Variants in EYS observed in about 807,000 individuals in gnomAD.
EYS encodes the protein EGF-like photoreceptor maintenance factor, also known as protein eyes shut homolog.
EYS carries 250 observed loss-of-function variants against 282.1 expected under a neutral mutation model. The ratio of observed to expected loss-of-function variants is 0.89; its 90% CI spans 0.80 to 0.98. The LOEUF (loss-of-function observed/expected upper bound fraction) is 0.98, where lower values mean the gene tolerates loss of function less well. EYS is among the 50% of genes least tolerant of loss of function. The probability of loss-of-function intolerance (pLI) is 0.00; values close to 1 mark genes in which losing one functional copy is unlikely to be tolerated. For synonymous variants in EYS, 1,355 were observed against 1,282.9 expected, an observed-to-expected ratio of 1.06 and a Z score of -1.20; for missense variants, 4,016 against 3,709.0, an observed-to-expected ratio of 1.08 and a Z score of -2.15.
At chr6:64,880,244 A>T (rs906567318) in intron 19 of EYS, among the ~76,000 whole-genome samples, 2 of 151,952 alleles carry the variant, frequency 1.3e-5, no homozygotes, top group African/African-American at 4.8e-5. Context: ...CTAATACCTC[A>T]AGACTGCAAG....
At chr6:64,845,013 G>A (rs1178430752) in intron 19 of EYS, among the ~76,000 whole-genome samples, 1 of 152,148 alleles carries the variant, frequency 6.6e-6, no homozygotes, top group African/African-American at 2.4e-5. Context: ...ATAAATTTTA[G>A]TGTGGTGGCT....
intron 12 of EYS, among the ~76,000 whole-genome samples, chr6:65,097,658 A>AT (rs1356270917): frequency 6.6e-6 from 1 of 150,906 alleles, no homozygotes; most frequent in Non-Finnish European, 1.5e-5. Flanking sequence ...CATATGTACG[A>AT]TTATTCAGTC....
intron 18 of EYS, among the ~76,000 whole-genome samples, chr6:64,900,830 T>C (rs1034542545): frequency 2.6e-5 from 4 of 152,142 alleles, no homozygotes; most frequent in Non-Finnish European, 4.4e-5. Flanking sequence ...GAAGACAGTG[T>C]GGTGATTCCT....
At chr6:64,546,407 C>T (rs1289349959) in intron 26 of EYS, among the ~76,000 whole-genome samples, 2 of 152,236 alleles carry the variant, frequency 1.3e-5, no homozygotes, top group South Asian at 2.1e-4. Flanking sequence ...AGACCTAAAA[C>T]CATAAAAACC....
chr6:65,624,842 G>C (rs1766641139), intron 2 of EYS, among the ~76,000 whole-genome samples: 1 of 152,162 alleles, frequency 6.6e-6, no homozygotes, highest in Non-Finnish European at 1.5e-5. Context: ...TGCACTGTTG[G>C]CTTCCCTACT....
At chr6:64,678,258 G>A (rs1020505425) in intron 22 of EYS, among the ~76,000 whole-genome samples, 7 of 152,096 alleles carry the variant, frequency 4.6e-5, no homozygotes, top group African/African-American at 1.4e-4. Context: ...TAGTAGAGAT[G>A]TGACAAAAGG....
intron 26 of EYS, among the ~76,000 whole-genome samples, chr6:64,520,472 C>G (rs923913453): frequency 4.6e-5 from 7 of 151,858 alleles, no homozygotes; most frequent in Admixed American, 3.3e-4. Flanking sequence ...GACTTCTTCT[C>G]TGTAGGGGGC....
intron 22 of EYS, among the ~76,000 whole-genome samples, chr6:64,761,595 T>C (rs745751601): frequency 3.3e-5 from 5 of 152,206 alleles, no homozygotes; most frequent in Non-Finnish European, 7.3e-5. Context: ...CAGCTGGGAC[T>C]ACTGGCGCAT....
intron 11 of EYS, chr6:65,329,916 A>T (rs1769734697): frequency 1.0e-6 from 1 of 978,852 alleles, no homozygotes; most frequent in African/African-American, 1.8e-5. Flanking sequence ...TTGAAACAGA[A>T]CTCTTACTTA....
chr6:65,046,751 CT>C (rs1773114855), intron 13 of EYS, among the ~76,000 whole-genome samples: 1 of 151,868 alleles, frequency 6.6e-6, no homozygotes, highest in Admixed American at 6.6e-5. Flanking sequence ...AAGTTTTATA[CT>C]CTCTGATATG....
intron 19 of EYS, among the ~76,000 whole-genome samples, chr6:64,873,174 G>A (rs553463289): frequency 1.3e-5 from 2 of 152,164 alleles, no homozygotes; most frequent in Admixed American, 1.3e-4. Flanking sequence ...AATTATGGCA[G>A]AAGGTGAAAG....
At chr6:65,015,307 T>C (rs1021347435) in intron 13 of EYS, among the ~76,000 whole-genome samples, 1 of 152,214 alleles carries the variant, frequency 6.6e-6, no homozygotes, top group African/African-American at 2.4e-5. Context: ...TGTGTTAATA[T>C]GTAATGTGTT....
intron 12 of EYS, among the ~76,000 whole-genome samples, chr6:65,099,292 G>A (rs9453180): frequency 4.7e-5 from 7 of 150,510 alleles, no homozygotes; most frequent in African/African-American, 1.7e-4. Context: ...CATCTTAAAA[G>A]GTGTTCTAGT....
At chr6:64,428,491 T>A (rs1216818458) in intron 28 of EYS, among the ~76,000 whole-genome samples, 1 of 152,064 alleles carries the variant, frequency 6.6e-6, no homozygotes, top group African/African-American at 2.4e-5. Context: ...ACCTCTCTTA[T>A]CAGGTTAGAG....
At chr6:63,846,868 T>C (rs540076706) in intron 36 of EYS, among the ~76,000 whole-genome samples, 1 of 152,324 alleles carries the variant, frequency 6.6e-6, no homozygotes, top group South Asian at 2.1e-4. Flanking sequence ...AATATATTAA[T>C]ACATGAGCTT....
At chr6:64,406,210 G>A (rs1417812523) in intron 28 of EYS, among the ~76,000 whole-genome samples, 1 of 152,110 alleles carries the variant, frequency 6.6e-6, no homozygotes, top group African/African-American at 2.4e-5. Context: ...AAGCAATAAG[G>A]AAATGATTCC....
At chr6:65,631,716 A>G (rs1766919930) in intron 2 of EYS, among the ~76,000 whole-genome samples, 1 of 152,126 alleles carries the variant, frequency 6.6e-6, no homozygotes, top group African/African-American at 2.4e-5. Context: ...TAACATGCAA[A>G]TAAGATTGTG....
Position 64,658,980 on chromosome 6 carries a change from A to G in EYS, c.3444-32735T>C, listed in dbSNP as rs1047952980. On this transcript the variant is annotated intron_variant, in intron 22 of 42. Transcript: ENST00000503581. ...GCACTTATTCTAAAATTGACCACAT[A>G]GTTGGAAGTAGAGCACTCCTCAGCA... 3.9e-5 allele frequency among the ~76,000 whole-genome samples: 6 copies of G among 152,352 alleles called. No homozygotes were observed. In the South Asian group the frequency reaches 1.2e-3, roughly 32 times the overall value.
intron 31 of EYS, among the ~76,000 whole-genome samples, chr6:64,154,454 A>T (rs1263892561): frequency 1.3e-5 from 2 of 151,410 alleles, no homozygotes; most frequent in African/African-American, 4.9e-5. Flanking sequence ...AAAAAAAAAA[A>T]AAAAAAAAAA....
Sources: gnomAD v4.1 joint callset for allele counts (sites outside exome capture counted in the v4.1 genomes callset) on GRCh38, gnomAD v4.1.1 for gene constraint, MANE v1.5 for transcripts, NCBI Gene and HGNC (gene_info 2026-07-23, HGNC 2026-07-21) for gene names.